ULK4: variants seen among roughly 807,000 people sequenced by gnomAD.
ULK4 encodes the protein inactive serine/threonine-protein kinase ULK4.
In ULK4, 133 loss-of-function variants were observed where a neutral mutation model predicts 160.6. The observed-to-expected ratio is 0.83, with a 90% CI of 0.72 to 0.96. The LOEUF (loss-of-function observed/expected upper bound fraction) is 0.96, where lower values mean the gene tolerates loss of function less well. Ranked by LOEUF, ULK4 falls within the 40% of genes least tolerant of loss-of-function variation. ULK4 has a pLI of 0.00. For synonymous variants in ULK4, 534 were observed against 539.8 expected, an observed-to-expected ratio of 0.99 and a Z score of 0.15; for missense variants, 1,580 against 1,499.5, an observed-to-expected ratio of 1.05 and a Z score of -0.89.
At chr3:41,623,760 A>G (rs1420028684) in intron 30 of ULK4, among the ~76,000 whole-genome samples, 1 of 152,204 alleles carries the variant, frequency 6.6e-6, no homozygotes, top group African/African-American at 2.4e-5. Flanking sequence ...GTTAGACAGG[A>G]GAAATAAGTT....
intron 35 of ULK4, among the ~76,000 whole-genome samples, chr3:41,373,164 A>C (rs2125785492): frequency 6.6e-6 from 1 of 152,310 alleles, no homozygotes; most frequent in African/African-American, 2.4e-5. Context: ...CTACAAAGAG[A>C]CTTAGACTGC....
intron 32 of ULK4, among the ~76,000 whole-genome samples, chr3:41,488,571 G>T (rs1199455743): frequency 6.6e-6 from 1 of 152,154 alleles, no homozygotes. Flanking sequence ...ATCTTGCAAA[G>T]AATTAAAAAG....
At chr3:41,710,363 A>G (rs1004780150) in intron 25 of ULK4, among the ~76,000 whole-genome samples, 2 of 152,128 alleles carry the variant, frequency 1.3e-5, no homozygotes, top group East Asian at 3.9e-4. Context: ...GGAGAAAGGA[A>G]CATATAGTCA....
At chr3:41,935,706 A>T in intron 4 of ULK4, 95 bp downstream of exon 4, 1 of 1,406,730 alleles carries the variant, frequency 7.1e-7, no homozygotes, top group Non-Finnish European at 9.5e-7. Flanking sequence ...AAGATATTCT[A>T]TACCAAAATT....
At chr3:41,372,512 A>G (rs1406675552) in intron 35 of ULK4, among the ~76,000 whole-genome samples, 2 of 152,172 alleles carry the variant, frequency 1.3e-5, no homozygotes, top group Admixed American at 1.3e-4. Flanking sequence ...AAGAATTTTC[A>G]ACCCAGAATT....
At chr3:41,796,689 T>C (rs1174610152) in intron 20 of ULK4, among the ~76,000 whole-genome samples, 3 of 152,194 alleles carry the variant, frequency 2.0e-5, no homozygotes, top group Non-Finnish European at 4.4e-5. Context: ...AATGTGTACA[T>C]TGACAGACAT....
intron 21 of ULK4, among the ~76,000 whole-genome samples, chr3:41,780,345 T>A (rs2039794505): frequency 6.6e-6 from 1 of 151,746 alleles, no homozygotes; most frequent in South Asian, 2.1e-4. Flanking sequence ...GTATGCTATC[T>A]TTTATCTTTT....
intron 35 of ULK4, among the ~76,000 whole-genome samples, chr3:41,381,552 G>T (rs1262946813): frequency 6.6e-6 from 1 of 152,076 alleles, no homozygotes; most frequent in Non-Finnish European, 1.5e-5. Context: ...GCCAAAATTG[G>T]AATCATCTTT....
chr3:41,918,358 T>G, intron 7 of ULK4, 99 bp downstream of exon 7: 1 of 701,226 alleles, frequency 1.4e-6, no homozygotes, highest in South Asian at 2.3e-5. Flanking sequence ...AAAGATAACT[T>G]TGGGGAGTTA....
At chr3:41,444,368 T>TCC (rs2083244842) in intron 34 of ULK4, among the ~76,000 whole-genome samples, 1 of 76,254 alleles carries the variant, frequency 1.3e-5, no homozygotes, top group Non-Finnish European at 3.1e-5. Context: ...GACTTCTCTC[T>TCC]CTCTCTCTCT....
At chr3:41,296,751 G>C (rs2079676388) in intron 35 of ULK4, among the ~76,000 whole-genome samples, 1 of 151,998 alleles carries the variant, frequency 6.6e-6, no homozygotes, top group Admixed American at 6.6e-5. Context: ...TGAGGTGAGG[G>C]GGTCAATGGC....
chr3:41,911,345 G>A lies in ULK4; in HGVS notation c.1057C>T (p.Gln353Ter). 1 of 1,613,974 alleles carries A rather than the reference G, an allele frequency of 6.2e-7. No individual in the cohort carries two copies. Among genetic ancestry groups the A allele is most frequent in the Non-Finnish European group, 8.5e-7 (1 of 1,179,994 alleles). ...AGAAGAAACATGGATTCATTCAATT[G>A]ACCCTCAAGAGTACTCTTAGGCCGA... ...EFRPKSTLEG[Q>*]LNESMFLLSS... The change falls in exon 11 of 37, where the codon CAA (glutamine) becomes TAA (stop). Residue 353 changes from glutamine (Q) to a stop codon, truncating the protein, a stop_gained. Transcript: ENST00000301831. LOFTEE classifies it high-confidence loss of function.
At position 41,819,522 on chromosome 3, in the gene ULK4, A is replaced by T. The variant is rs202169543; in HGVS notation, c.1765-16T>A. The T allele has an allele frequency of 1.2e-4, 125 of 1,048,644 alleles. No individual in the cohort carries two copies. Among genetic ancestry groups the T allele is most frequent in the African/African-American group, 2.3e-4 (2 of 8,628 alleles). 65.0% of individuals were successfully genotyped at this position (1,048,644 alleles called of 1,614,324 possible). On this transcript the variant is annotated splice_polypyrimidine_tract_variant and intron_variant, in intron 18 of 36. Coordinates refer to ENST00000301831, the MANE Select transcript of ULK4 (RefSeq NM_017886.4). ...TTTTTTCTTCCTAAAATGAAGTGGG[A>T]AAAAAAAAGGCAGTGAAGCTAACAG...
At chr3:41,850,978 T>G (rs948286531) in intron 17 of ULK4, among the ~76,000 whole-genome samples, 5 of 152,222 alleles carry the variant, frequency 3.3e-5, no homozygotes, top group Non-Finnish European at 7.3e-5. Context: ...CTTGAATTAA[T>G]TTTTGTATAA....
chr3:41,661,517 TAGATAGATAGATAAATA>T (rs2035164333), intron 30 of ULK4, among the ~76,000 whole-genome samples: 2 of 151,246 alleles, frequency 1.3e-5, no homozygotes, highest in African/African-American at 4.9e-5. Flanking sequence ...AGATGATAGA[TAGATAGATAGATAAATA>T]GATAGATAAA....
intron 32 of ULK4, among the ~76,000 whole-genome samples, chr3:41,561,981 T>C (rs1281383924): frequency 6.6e-6 from 1 of 152,210 alleles, no homozygotes; most frequent in Admixed American, 6.5e-5. Flanking sequence ...CTTTTCTGCT[T>C]TCTCTTGTGG....
intron 32 of ULK4, among the ~76,000 whole-genome samples, chr3:41,483,498 C>T (rs1438711112): frequency 6.6e-6 from 1 of 152,050 alleles, no homozygotes; most frequent in Non-Finnish European, 1.5e-5. Context: ...GACTACATTG[C>T]TGTGACTGTA....
At chr3:41,690,223 T>C (rs1221476135) in intron 27 of ULK4, among the ~76,000 whole-genome samples, 35 of 150,366 alleles carry the variant, frequency 2.3e-4, no homozygotes, top group Non-Finnish European at 5.2e-4. Flanking sequence ...TTCTCACTCA[T>C]AGGTGGGAAC....
At chr3:41,281,937 A>G (rs891248095) in intron 35 of ULK4, among the ~76,000 whole-genome samples, 1 of 152,214 alleles carries the variant, frequency 6.6e-6, no homozygotes, top group Non-Finnish European at 1.5e-5. Flanking sequence ...TAAGCTGATA[A>G]GCAACTTCAG....
Sources: gnomAD v4.1 joint callset for allele counts (sites outside exome capture counted in the v4.1 genomes callset) on GRCh38, gnomAD v4.1.1 for gene constraint, MANE v1.5 for transcripts, NCBI Gene and HGNC (gene_info 2026-07-23, HGNC 2026-07-21) for gene names.